DENND1A: variants seen among roughly 807,000 people sequenced by gnomAD.
DENND1A encodes the protein DENN domain containing 1A.
Under a neutral mutation model 113.7 loss-of-function variants are expected in DENND1A, and 51 were observed. The ratio of observed to expected loss-of-function variants is 0.45; its 90% CI spans 0.36 to 0.57. The LOEUF is 0.57. DENND1A is among the 20% of genes least tolerant of loss of function. The pLI is 0.00. For synonymous variants in DENND1A, 565 were observed against 570.8 expected (o/e 0.99, Z 0.14); for missense variants, 1,258 against 1,395.9 (o/e 0.90, Z 1.57).
intron 13 of DENND1A, among the ~76,000 whole-genome samples, chr9:123,535,149 AC>A (rs2055641557): frequency 6.6e-6 from 1 of 152,090 alleles, no homozygotes; most frequent in Non-Finnish European, 1.5e-5. Flanking sequence ...CTTGACTATT[AC>A]CTGACGTTCA....
intron 10 of DENND1A, among the ~76,000 whole-genome samples, chr9:123,624,300 C>T (rs977219276): frequency 6.6e-6 from 1 of 152,200 alleles, no homozygotes; most frequent in Non-Finnish European, 1.5e-5. Context: ...GGATTAAACT[C>T]AATGGTGGTG....
At chr9:123,799,070 T>C (rs533095181) in intron 2 of DENND1A, among the ~76,000 whole-genome samples, 1 of 152,268 alleles carries the variant, frequency 6.6e-6, no homozygotes, top group African/African-American at 2.4e-5. Flanking sequence ...AGCTGTGCCC[T>C]TTATGTATTA....
At chr9:123,547,289 G>T (rs2056762410) in intron 13 of DENND1A, among the ~76,000 whole-genome samples, 1 of 152,240 alleles carries the variant, frequency 6.6e-6, no homozygotes, top group African/African-American at 2.4e-5. Context: ...CAGCACTTTG[G>T]GAGGCCAAGG....
chr9:123,576,340 T>G (rs1419322181), intron 12 of DENND1A, among the ~76,000 whole-genome samples: 1 of 152,238 alleles, frequency 6.6e-6, no homozygotes, highest in Non-Finnish European at 1.5e-5. Context: ...AAAGTAAATT[T>G]CTTACATGTA....
At chr9:123,808,884 AC>A (rs1453579580) in intron 2 of DENND1A, among the ~76,000 whole-genome samples, 1 of 152,102 alleles carries the variant, frequency 6.6e-6, no homozygotes, top group Non-Finnish European at 1.5e-5. Flanking sequence ...CTATGTGTTA[AC>A]CCTAAGCATT....
intron 19 of DENND1A, among the ~76,000 whole-genome samples, chr9:123,425,867 G>A (rs4524869): frequency 6.6e-6 from 1 of 152,226 alleles, no homozygotes; most frequent in Admixed American, 6.5e-5. Flanking sequence ...TTTCTGTTCA[G>A]GTGGAACAGA....
intron 11 of DENND1A, among the ~76,000 whole-genome samples, chr9:123,606,155 T>A (rs2060145976): frequency 6.6e-6 from 1 of 152,086 alleles, no homozygotes; most frequent in African/African-American, 2.4e-5. Flanking sequence ...AAAGCACAAC[T>A]AGAGCACTCG....
intron 1 of DENND1A, among the ~76,000 whole-genome samples, chr9:123,910,236 A>G (rs1478589109): frequency 6.6e-6 from 1 of 152,226 alleles, no homozygotes; most frequent in Non-Finnish European, 1.5e-5. Context: ...TCCACTATTA[A>G]ATAACGAGAC....
intron 13 of DENND1A, among the ~76,000 whole-genome samples, chr9:123,511,811 A>G (rs2053484313): frequency 6.6e-6 from 1 of 152,232 alleles, no homozygotes; most frequent in Admixed American, 6.5e-5. Context: ...TGGGGACAGG[A>G]GAGACAGAAG....
At chr9:123,772,488 C>T (rs1375523641) in intron 3 of DENND1A, among the ~76,000 whole-genome samples, 4 of 152,066 alleles carry the variant, frequency 2.6e-5, no homozygotes, top group African/African-American at 9.7e-5. Flanking sequence ...TTCTCTTTCC[C>T]GTTTCTCTTG....
At chr9:123,644,550 C>T (rs1387549509) in intron 9 of DENND1A, among the ~76,000 whole-genome samples, 1 of 152,052 alleles carries the variant, frequency 6.6e-6, no homozygotes, top group African/African-American at 2.4e-5. Flanking sequence ...GGTGGCTATT[C>T]CTAACAACAT....
At chr9:123,650,446 C>G (rs752663326) in intron 9 of DENND1A, among the ~76,000 whole-genome samples, 1 of 152,102 alleles carries the variant, frequency 6.6e-6, no homozygotes, top group Non-Finnish European at 1.5e-5. Context: ...AGGGAACTCT[C>G]CACTTATAAA....
At chr9:123,699,357 T>A (rs1476462351) in intron 5 of DENND1A, among the ~76,000 whole-genome samples, 1 of 152,188 alleles carries the variant, frequency 6.6e-6, no homozygotes, top group Non-Finnish European at 1.5e-5. Context: ...TTCAAACATG[T>A]AAATTTAAAA....
chr9:123,530,287 G>C lies in DENND1A; in HGVS notation c.993+27283C>G, dbSNP rs1457065694. On this transcript the variant is annotated intron_variant, in intron 13 of 23. Coordinates refer to ENST00000394215, the MANE Select transcript of DENND1A (RefSeq NM_001352964.2). The stretch of plus-strand genomic sequence containing the variant: ...TAAAATCACAGAATATAAGGCGAAA[G>C]AGAACATCTTCAGAGTTCCCGGAGA... Among the ~76,000 whole-genome samples, 3 of 152,230 alleles carry C rather than the reference G, an allele frequency of 2.0e-5. No homozygotes were observed. The East Asian group carries it at 5.8e-4, about 29-fold the overall frequency.
chr9:123,899,620 A>G (rs755997725), intron 1 of DENND1A, among the ~76,000 whole-genome samples: 4 of 152,230 alleles, frequency 2.6e-5, no homozygotes, highest in Non-Finnish European at 5.9e-5. Context: ...GTAAAGTTTA[A>G]TATATAAATA....
At chr9:123,719,109 G>A (rs905094792) in intron 5 of DENND1A, among the ~76,000 whole-genome samples, 11 of 152,154 alleles carry the variant, frequency 7.2e-5, no homozygotes, top group African/African-American at 2.7e-4. Flanking sequence ...GCCTCCCCAG[G>A]CATGAGGAAC....
intron 16 of DENND1A, 74 bp downstream of exon 16, chr9:123,454,665 A>G: frequency 7.0e-7 from 1 of 1,433,346 alleles, no homozygotes; most frequent in Non-Finnish European, 9.6e-7. Context: ...TGGAAGGGGA[A>G]GCACAGGGAA....
intron 13 of DENND1A, among the ~76,000 whole-genome samples, chr9:123,489,727 C>T (rs372341532): frequency 1.5e-4 from 23 of 152,224 alleles, no homozygotes; most frequent in Non-Finnish European, 2.6e-4. Flanking sequence ...TTCAGTGGGA[C>T]GAGGCTACTT....
chr9:123,805,033 C>G (rs974820892), intron 2 of DENND1A, among the ~76,000 whole-genome samples: 5 of 152,164 alleles, frequency 3.3e-5, no homozygotes, highest in Admixed American at 2.6e-4. Context: ...GCTTCTCAAA[C>G]ATGCATGCCA....
Sources: allele counts gnomAD v4.1 joint callset (sites outside exome capture counted in the v4.1 genomes callset), GRCh38; gene constraint gnomAD v4.1.1; transcripts MANE v1.5; gene names NCBI Gene and HGNC (gene_info 2026-07-23, HGNC 2026-07-21).